ZNF333: variants seen among roughly 807,000 people sequenced by gnomAD.
ZNF333 encodes the protein zinc finger protein 333.
A neutral mutation model predicts 76.1 loss-of-function variants in ZNF333; 61 were observed. That is an observed-to-expected ratio of 0.80 (90% CI 0.65 to 0.99). The LOEUF is 0.99. ZNF333 is among the 50% of genes least tolerant of loss of function. ZNF333 has a pLI of 0.00. For missense variants in ZNF333, 717 were observed against 822.4 expected (o/e 0.87, Z 1.57); for synonymous variants, 284 against 305.0 (o/e 0.93, Z 0.72).
Position 14,718,932 on chromosome 19 carries a change from G to A in ZNF333, c.1605G>A (p.Glu535=). Residue 535 remains glutamate, a synonymous_variant, in exon 12 of 12, where the codon GAG becomes GAA. Coordinates refer to ENST00000292530, the MANE Select transcript of ZNF333 (RefSeq NM_032433.4). ...TACACACAGGGGAGAAACTGTATGAGTGCGCGACTTGCGGTCAGGTCTTGA... is the reference window on the plus strand; with the variant it reads ...TACACACAGGGGAGAAACTGTATGAATGCGCGACTTGCGGTCAGGTCTTGA... ...KRIHTGEKLY[E]CATCGQVLSR... 6.2e-7 allele frequency: 1 copy of A among 1,614,094 alleles called. No homozygotes were observed. The highest frequency in any genetic ancestry group is 8.5e-7 in the Non-Finnish European group (1 of 1,179,982).
At chr19:14,699,117 CATATATATGTGA>C in intron 4 of ZNF333, 70 bp from the exon 5 acceptor site, 1 of 1,059,274 alleles carries the variant, frequency 9.4e-7, no homozygotes. Flanking sequence ...TATATATTCA[CATATATATGTGA>C]ATATATATTT....
At position 14,718,164 on chromosome 19, in the gene ZNF333, C is replaced by T. The variant is rs1052103716; in HGVS notation, c.901-64C>T. ...CTGTCTTTTTCTTACATTCATTTCA[C>T]ATAGGGGAGAATATCTGTGAATCTA... On this transcript the variant is annotated intron_variant, in intron 11 of 11. Transcript: ENST00000292530. 4.9e-5 allele frequency: 76 copies of T among 1,536,776 alleles called. 1 individual carries two copies. The highest frequency in any genetic ancestry group is 6.3e-5 in the Non-Finnish European group (72 of 1,148,810).
At chr19:14,697,574 T>A (rs1973310441) in intron 4 of ZNF333, among the ~76,000 whole-genome samples, 1 of 152,088 alleles carries the variant, frequency 6.6e-6, no homozygotes, top group Non-Finnish European at 1.5e-5. Context: ...TTGCCCAGGC[T>A]GGTCTTGAAC....
In ZNF333 at chr19:14,704,993, G is replaced by A. The variant is rs368455194; in HGVS notation, c.307-61G>A. ...CTAAGCCCCAAACCAAAGGTCTCTC[G>A]GGCTGAGAACAGCTGTGGTGCCAAC... On this transcript the variant is annotated intron_variant, in intron 5 of 11. Coordinates refer to ENST00000292530, the MANE Select transcript of ZNF333 (RefSeq NM_032433.4). 2.1e-5 allele frequency: 32 copies of A among 1,541,760 alleles called. No homozygotes were observed. The South Asian group carries it at 2.9e-4, about 14-fold the overall frequency.
intron 10 of ZNF333, 81 bp from the exon 11 acceptor site, chr19:14,717,576 C>A: frequency 1.6e-6 from 2 of 1,240,644 alleles, no homozygotes; most frequent in Non-Finnish European, 1.2e-6. Flanking sequence ...TCCACATGTG[C>A]CTTGCCTACT....
rs749937149 is a variant in ZNF333 at position 14,718,262 on chromosome 19, A to C, written c.935A>C (p.Tyr312Ser). The stretch of plus-strand genomic sequence containing the variant: ...CAGCCTGGAGAAAAACTCTATAAAT[A>C]TAATGAACTTGAGAAACCTTTTAAC... ...QPQPGEKLYK[Y>S]NELEKPFNSI... is the part of the protein sequence containing the mutation. Residue 312 changes from tyrosine (Y) to serine (S), a missense_variant, in exon 12 of 12, where the codon TAT (tyrosine) becomes TCT (serine). Transcript: ENST00000292530. The C allele has an allele frequency of 6.2e-7, 1 of 1,613,368 alleles. No homozygotes were observed. The highest frequency in any genetic ancestry group is 1.1e-5 in the South Asian group (1 of 90,946).
intron 7 of ZNF333, among the ~76,000 whole-genome samples, chr19:14,709,548 A>C (rs1189332586): frequency 1.3e-5 from 2 of 152,220 alleles, no homozygotes; most frequent in Non-Finnish European, 2.9e-5. Context: ...CCCTTCTCCA[A>C]GTTCATGTTG....
At chr19:14,718,083 A>T (rs1002547651) in intron 11 of ZNF333, 145 bp from the exon 12 acceptor site, 1 of 1,139,016 alleles carries the variant, frequency 8.8e-7, no homozygotes, top group African/African-American at 1.6e-5. Flanking sequence ...CACTTGAAGG[A>T]ACTCTGGATA....
intron 11 of ZNF333, among the ~76,000 whole-genome samples, chr19:14,728,106 G>C (rs75324914): frequency 0.05 from 7,596 of 152,268 alleles, 231 homozygotes; most frequent in Middle Eastern, 0.099. Flanking sequence ...CCAACTACTC[G>C]GGAGGCTGAG....
chr19:14,702,779 G>A (rs2041994530), intron 5 of ZNF333, among the ~76,000 whole-genome samples: 1 of 152,192 alleles, frequency 6.6e-6, no homozygotes, highest in Admixed American at 6.5e-5. Context: ...AGGTTTAATT[G>A]ACTCACAGTT....
chr19:14,718,859 G>T lies in ZNF333; in HGVS notation c.1532G>T (p.Cys511Phe), dbSNP rs750126525. 1 of 1,614,178 alleles carries T rather than the reference G, an allele frequency of 6.2e-7. No individual in the cohort carries two copies. The highest frequency in any genetic ancestry group is 8.5e-7 in the Non-Finnish European group (1 of 1,180,028). Residue 511 changes from cysteine (C) to phenylalanine (F), a missense_variant, in exon 12 of 12, where the codon TGT becomes TTT. Coordinates refer to ENST00000292530, the MANE Select transcript of ZNF333 (RefSeq NM_032433.4). ...GAGAAACCATATGAATGCAACCAGT[G>T]TGGCAAGCCCTTCCGGACGAGCACT... is the stretch of plus-strand genomic sequence containing the variant. ...TREKPYECNQCGKPFRTSTHL... is the reference protein window; with the variant it reads ...TREKPYECNQFGKPFRTSTHL...
intron 1 of ZNF333, among the ~76,000 whole-genome samples, chr19:14,691,021 A>C (rs1046605366): frequency 6.6e-6 from 1 of 152,188 alleles, no homozygotes; most frequent in African/African-American, 2.4e-5. Flanking sequence ...TGAACCCCAG[A>C]GGCGGAGGTT....
chr19:14,729,947 C>T (rs2042657200), intron 11 of ZNF333, among the ~76,000 whole-genome samples: 1 of 152,172 alleles, frequency 6.6e-6, no homozygotes, highest in Non-Finnish European at 1.5e-5. Flanking sequence ...CTGGAAAGGG[C>T]AGAAATCCTC....
At chr19:14,701,941 AC>A in intron 5 of ZNF333, 1 of 977,644 alleles carries the variant, frequency 1.0e-6, no homozygotes, top group Non-Finnish European at 1.2e-6. Flanking sequence ...AACCGCAGAG[AC>A]CACAGTCTCA....
chr19:14,727,147 C>T (rs2042638127), intron 11 of ZNF333, among the ~76,000 whole-genome samples: 1 of 151,328 alleles, frequency 6.6e-6, no homozygotes, highest in Non-Finnish European at 1.5e-5. Context: ...CTCACTTCAG[C>T]CTCCTGAGCA....
intron 7 of ZNF333, chr19:14,708,304 G>T: frequency 2.5e-6 from 1 of 400,890 alleles, no homozygotes; most frequent in South Asian, 1.3e-4. Flanking sequence ...CACCGTGCCT[G>T]ACCTATTTTG....
At position 14,706,698 on chromosome 19, in the gene ZNF333, G is replaced by C. The variant is rs139606625; in HGVS notation, c.436G>C (p.Ala146Pro). ...WSLGCTGLKA[A>P]MQIQRVVIPV... ...TCACTCTGTCCAGGGACTGAAGGCC[G>C]CTATGCAGATTCAGAGGGTGGTGAT... The change falls in exon 7 of 12, where the codon GCT (alanine) becomes CCT (proline). Residue 146 changes from alanine to proline, a missense_variant. Ala to Pro is a conservative substitution (Grantham distance 27). Coordinates refer to ENST00000292530, the MANE Select transcript of ZNF333 (RefSeq NM_032433.4). The C allele has an allele frequency of 9.9e-6, 16 of 1,614,066 alleles. No individual in the cohort carries two copies. In the East Asian group the frequency reaches 3.6e-4, roughly 36 times the overall value.
At chr19:14,706,537 A>C (rs1348411156) in intron 6 of ZNF333, 149 bp from the exon 7 acceptor site, 1 of 706,026 alleles carries the variant, frequency 1.4e-6, no homozygotes, top group Non-Finnish European at 2.5e-6. Flanking sequence ...GATTGGGTAA[A>C]TCCTGACAAG....
chr19:14,703,588 A>G (rs2042025637), intron 5 of ZNF333, among the ~76,000 whole-genome samples: 2 of 152,200 alleles, frequency 1.3e-5, no homozygotes. Context: ...AGGGCACACC[A>G]TGCCACACAG....
Sources: allele counts gnomAD v4.1 joint callset (sites outside exome capture counted in the v4.1 genomes callset), GRCh38; gene constraint gnomAD v4.1.1; transcripts MANE v1.5; gene names NCBI Gene and HGNC (gene_info 2026-07-23, HGNC 2026-07-21).